GALK2: variants seen among roughly 807,000 people sequenced by gnomAD.
The protein encoded by GALK2 is galactokinase 2.
Under a neutral mutation model 52.4 loss-of-function variants are expected in GALK2, and 36 were observed. The observed-to-expected ratio is 0.69, with a 90% confidence interval of 0.53 to 0.91. The LOEUF is 0.91. Among genes scored for constraint, GALK2 ranks in the 40% least tolerant of loss-of-function variants. The probability of loss-of-function intolerance (pLI) is 0.00; values close to 1 mark genes in which losing one functional copy is unlikely to be tolerated. For synonymous variants in GALK2, 176 were observed against 199.1 expected, an observed-to-expected ratio of 0.88 and a Z score of 0.98; for missense variants, 579 against 559.1, an observed-to-expected ratio of 1.04 and a Z score of -0.36.
At chr15:49,271,192 G>A (rs913063516) in intron 5 of GALK2, among the ~76,000 whole-genome samples, 11 of 152,174 alleles carry the variant, frequency 7.2e-5, no homozygotes, top group Non-Finnish European at 1.0e-4. Flanking sequence ...TGGAGGCCCC[G>A]CTGGTATTTA....
chr15:49,217,182 T>C lies in GALK2; in HGVS notation c.143-8T>C, dbSNP rs749348390. On this transcript the variant is annotated splice_polypyrimidine_tract_variant and splice_region_variant and intron_variant, in intron 2 of 9. Coordinates refer to ENST00000560031, the MANE Select transcript of GALK2 (RefSeq NM_002044.4). ...GCAATGATTAAAAAAGCTTTCTCTTTTTTCTAGGAGAGCATATAGATTATT... is the reference window on the plus strand; with the variant it reads ...GCAATGATTAAAAAAGCTTTCTCTTCTTTCTAGGAGAGCATATAGATTATT... 2.1e-5 allele frequency: 34 copies of C among 1,604,182 alleles called. No individual in the cohort carries two copies. In the African/African-American group the frequency reaches 4.3e-4, roughly 20 times the overall value.
chr15:49,175,002 C>T (rs1162716452), intron 1 of GALK2, among the ~76,000 whole-genome samples: 1 of 152,036 alleles, frequency 6.6e-6, no homozygotes. Flanking sequence ...GGGTTTTAGG[C>T]CCCACAGAGT....
intron 4 of GALK2, 108 bp from the exon 5 acceptor site, chr15:49,239,113 A>G (rs1237928237): frequency 2.3e-6 from 2 of 870,586 alleles, no homozygotes; most frequent in Non-Finnish European, 3.6e-6. Flanking sequence ...TTCTATAACT[A>G]TTATAAGTCT....
At chr15:49,250,041 C>T (rs548890708) in intron 5 of GALK2, among the ~76,000 whole-genome samples, 17 of 152,234 alleles carry the variant, frequency 1.1e-4, no homozygotes, top group Admixed American at 2.6e-4. Context: ...GTAGGGTGGA[C>T]GCGTCAGGTT....
chr15:49,199,467 G>GT lies in GALK2; in HGVS notation c.54-1693dup, dbSNP rs558917466. Among the ~76,000 whole-genome samples, 137 of 152,276 alleles carry GT rather than the reference G, an allele frequency of 9.0e-4. 4 individuals are homozygous for GT. The South Asian group carries it at 0.027, about 30-fold the overall frequency. ...TTTGAGTGATATGCTAGCGATATCA[G>GT]TTATTGTCTCCCTGCTGCAATCTTT... On this transcript the variant is annotated intron_variant, in intron 1 of 9. Transcript: ENST00000560031.
chr15:49,316,790 C>T (rs79338033), intron 8 of GALK2, among the ~76,000 whole-genome samples: 3,855 of 152,240 alleles, frequency 0.025, 88 homozygotes, highest in African/African-American at 0.051. Flanking sequence ...GAAGGATGTT[C>T]AGTGTCCTTC....
At chr15:49,367,552 A>C (rs1167625226) in exon 4 of GALK2, 1 of 1,605,614 alleles carries the variant, frequency 6.2e-7, no homozygotes, top group African/African-American at 1.3e-5. Flanking sequence ...ATGGACTCTG[A>C]CCTCCAAAAT....
chr15:49,228,535 C>T (rs2090269964), intron 3 of GALK2, among the ~76,000 whole-genome samples: 1 of 149,166 alleles, frequency 6.7e-6, no homozygotes, highest in Admixed American at 6.7e-5. Flanking sequence ...TGTTTTATTT[C>T]ATTCAGTGAA....
At chr15:49,157,333 C>T (rs559195290) in intron 1 of GALK2, among the ~76,000 whole-genome samples, 22 of 152,090 alleles carry the variant, frequency 1.4e-4, no homozygotes, top group East Asian at 1.2e-3. Context: ...AACAGTATTT[C>T]CCAAATAAAG....
rs202106545 is a variant in GALK2, at chr15:49,198,672, A to G, written c.54-2490A>G. ...TTACCTCTTGCCTATTTAGTAATCA[A>G]TGAGCTTATTCTACTTTCCTCTTTT... is the stretch of plus-strand genomic sequence containing the variant. On this transcript the variant is annotated intron_variant, in intron 1 of 9. Coordinates refer to ENST00000560031, the MANE Select transcript of GALK2 (RefSeq NM_002044.4). Among the ~76,000 whole-genome samples the G allele has an allele frequency of 1.2e-4, 19 of 152,190 alleles. No individual in the cohort carries two copies. In the East Asian group the frequency reaches 2.1e-3, roughly 17 times the overall value.
At chr15:49,195,291 T>C in intron 1 of GALK2, 1 of 299,672 alleles carries the variant, frequency 3.3e-6, no homozygotes, top group Non-Finnish European at 6.6e-6. Context: ...AAGGCTGGTC[T>C]GGAACTCCTG....
chr15:49,322,112 G>A (rs576398410), intron 9 of GALK2, among the ~76,000 whole-genome samples: 2 of 152,284 alleles, frequency 1.3e-5, no homozygotes, highest in East Asian at 1.9e-4. Context: ...TTATGGCTAT[G>A]TCTTAAATGG....
At chr15:49,253,424 T>C (rs2141582506) in intron 5 of GALK2, among the ~76,000 whole-genome samples, 2 of 144,742 alleles carry the variant, frequency 1.4e-5, no homozygotes, top group Non-Finnish European at 3.1e-5. Context: ...GAATATTTTT[T>C]CTTTCTTTCT....
chr15:49,215,936 G>C (rs960008119), intron 2 of GALK2, among the ~76,000 whole-genome samples: 25 of 152,178 alleles, frequency 1.6e-4, no homozygotes, highest in African/African-American at 4.8e-4. Context: ...CCTGTGGTCC[G>C]TATGGGCATA....
chr15:49,255,375 GTT>G (rs148114237), intron 5 of GALK2, among the ~76,000 whole-genome samples: 2 of 139,528 alleles, frequency 1.4e-5, no homozygotes, highest in African/African-American at 2.6e-5. Context: ...ATTGCATTTA[GTT>G]TTTTTTTCAT....
chr15:49,167,295 A>G (rs2141160427), upstream of GALK2, among the ~76,000 whole-genome samples: 2 of 152,362 alleles, frequency 1.3e-5, no homozygotes, highest in East Asian at 1.9e-4. Flanking sequence ...GCAAAAAGCA[A>G]AGAACCAGAG....
intron 1 of GALK2, among the ~76,000 whole-genome samples, chr15:49,160,392 T>C (rs1051618351): frequency 2.0e-5 from 3 of 152,222 alleles, no homozygotes; most frequent in African/African-American, 7.2e-5. Flanking sequence ...GATATCACTT[T>C]ACAGTATAAG....
At chr15:49,241,287 G>A (rs1429891827) in intron 5 of GALK2, among the ~76,000 whole-genome samples, 1 of 152,078 alleles carries the variant, frequency 6.6e-6, no homozygotes, top group Non-Finnish European at 1.5e-5. Flanking sequence ...CATAGGAGTG[G>A]ATCAAGATAC....
At chr15:49,200,492 C>G (rs773630387) in intron 1 of GALK2, among the ~76,000 whole-genome samples, 1 of 152,124 alleles carries the variant, frequency 6.6e-6, no homozygotes, top group Middle Eastern at 3.2e-3. Context: ...GGACTTTAAT[C>G]CAATATGACT....
Sources: allele counts gnomAD v4.1 joint callset (sites outside exome capture counted in the v4.1 genomes callset), GRCh38; gene constraint gnomAD v4.1.1; transcripts MANE v1.5; gene names NCBI Gene and HGNC (gene_info 2026-07-23, HGNC 2026-07-21).